The following ADAM12 variants were observed in gnomAD, a reference collection of about 807,000 sequenced individuals.
ADAM12 encodes disintegrin and metalloproteinase domain-containing protein 12.
In ADAM12, 70 loss-of-function variants were observed where a neutral mutation model predicts 106.4. The observed-to-expected ratio is 0.66, with a 90% CI of 0.54 to 0.80. The LOEUF (loss-of-function observed/expected upper bound fraction) is 0.80, where lower values mean the gene tolerates loss of function less well. ADAM12 is among the 30% of genes least tolerant of loss of function. The probability of loss-of-function intolerance (pLI) is 0.00; values close to 1 mark genes in which losing one functional copy is unlikely to be tolerated. For synonymous variants in ADAM12, 420 were observed against 433.5 expected, an observed-to-expected ratio of 0.97 and a Z score of 0.39; for missense variants, 1,010 against 1,171.9, an observed-to-expected ratio of 0.86 and a Z score of 2.02.
chr10:126,252,864 C>T (rs923068855), intron 3 of ADAM12, among the ~76,000 whole-genome samples: 1 of 152,158 alleles, frequency 6.6e-6, no homozygotes, highest in Non-Finnish European at 1.5e-5. Context: ...GAGCAGGTTG[C>T]CTGGGTGCAG....
chr10:126,190,847 T>C (rs1475760167), intron 3 of ADAM12, among the ~76,000 whole-genome samples: 3 of 151,732 alleles, frequency 2.0e-5, no homozygotes, highest in African/African-American at 2.4e-5. Flanking sequence ...AGCCCAGGAA[T>C]AGAAATAAGA....
In ADAM12 at chr10:126,113,687, AATATATATATATATATATATATATATAT is replaced by A. The variant is rs71309278; in HGVS notation, c.604-3875_604-3848del. Among the ~76,000 whole-genome samples, 10 of 24,134 alleles carry A rather than the reference AATATATATATATATATATATATATATAT, an allele frequency of 4.1e-4. No individual in the cohort carries two copies. In the South Asian group the frequency reaches 0.01, roughly 25 times the overall value. The allele number at this position is 24,134 out of a possible 152,430, so 15.8% of individuals were successfully genotyped here. On this transcript the variant is annotated intron_variant, in intron 6 of 22. Coordinates refer to ENST00000448723, the MANE Select transcript of ADAM12 (RefSeq NM_001288973.2). ...AAAAAAAAAAAAAAAAAAAAAAAAA[AATATATATATATATATATATATATATAT>A]ATATATATATATATATAATATATTG...
intron 3 of ADAM12, among the ~76,000 whole-genome samples, chr10:126,231,574 C>T (rs1033777585): frequency 8.5e-5 from 13 of 152,154 alleles, no homozygotes; most frequent in African/African-American, 2.9e-4. Context: ...CTTGCCCTGG[C>T]GCAGGACTCC....
chr10:126,237,850 G>C (rs938293809), intron 3 of ADAM12, among the ~76,000 whole-genome samples: 4 of 152,164 alleles, frequency 2.6e-5, no homozygotes, highest in African/African-American at 9.7e-5. Context: ...GGTATAAAGA[G>C]CTTGGGACAA....
intron 8 of ADAM12, among the ~76,000 whole-genome samples, chr10:126,108,273 A>C (rs915325945): frequency 1.3e-5 from 2 of 152,188 alleles, no homozygotes; most frequent in African/African-American, 4.8e-5. Context: ...GGAGGAATCC[A>C]AAGGATCAGG....
At chr10:126,044,345 T>C (rs1954259616) in intron 17 of ADAM12, among the ~76,000 whole-genome samples, 1 of 151,208 alleles carries the variant, frequency 6.6e-6, no homozygotes, top group Admixed American at 6.6e-5. Flanking sequence ...AAAAGAGAAA[T>C]CACTAAAAGA....
intron 3 of ADAM12, among the ~76,000 whole-genome samples, chr10:126,160,407 A>T (rs1182799930): frequency 6.6e-6 from 1 of 152,168 alleles, no homozygotes; most frequent in Admixed American, 6.5e-5. Context: ...CAAACTGAAG[A>T]TGGGCTTTCT....
chr10:126,051,576 T>TCCAGCCAGCCAGCCAG lies in ADAM12; in HGVS notation c.1610-1908_1610-1907insCTGGCTGGCTGGCTGG, dbSNP rs778622898. Among the ~76,000 whole-genome samples, 117 of 84,606 alleles carry TCCAGCCAGCCAGCCAG rather than the reference T, an allele frequency of 1.4e-3. 1 individual carries two copies. The highest frequency in any genetic ancestry group is 8.1e-3 in the East Asian group (18 of 2,232). The allele number at this position is 84,606 out of a possible 152,430, so 55.5% of individuals were successfully genotyped here. ...ATCCATCCATCCATCCATCCATCCA[T>TCCAGCCAGCCAGCCAG]CCATCCATCCATCCAGCCAGCCAGC... On this transcript the variant is annotated intron_variant, in intron 14 of 22. Transcript: ENST00000448723.
At chr10:126,078,916 T>C (rs67160022) in intron 11 of ADAM12, among the ~76,000 whole-genome samples, 46,010 of 151,870 alleles carry the variant, frequency 0.3, 7,138 homozygotes, top group South Asian at 0.42. Flanking sequence ...CAGTGAATGC[T>C]GAAACACAGA....
chr10:126,379,030 A>C (rs769833917), intron 1 of ADAM12, among the ~76,000 whole-genome samples: 6 of 152,170 alleles, frequency 3.9e-5, no homozygotes, highest in Non-Finnish European at 1.5e-5. Flanking sequence ...AACACTACCA[A>C]CAACAACAAA....
At chr10:126,144,458 C>T (rs1565092697) in intron 4 of ADAM12, among the ~76,000 whole-genome samples, 2 of 151,774 alleles carry the variant, frequency 1.3e-5, no homozygotes, top group African/African-American at 4.8e-5. Context: ...TCCACACTGA[C>T]CCATTGCTCA....
At chr10:126,310,098 G>A (rs879488936) in intron 2 of ADAM12, among the ~76,000 whole-genome samples, 1 of 151,276 alleles carries the variant, frequency 6.6e-6, no homozygotes, top group Non-Finnish European at 1.5e-5. Flanking sequence ...GGCGGAGGAT[G>A]TGCTGAGACA....
At chr10:126,386,069 T>C (rs903913621) in intron 1 of ADAM12, among the ~76,000 whole-genome samples, 3 of 151,838 alleles carry the variant, frequency 2.0e-5, no homozygotes, top group Non-Finnish European at 2.9e-5. Flanking sequence ...ACTTAGGAGG[T>C]TGGTGGCTTA....
chr10:126,267,784 T>C (rs908598839), intron 3 of ADAM12, among the ~76,000 whole-genome samples: 7 of 151,766 alleles, frequency 4.6e-5, no homozygotes, highest in African/African-American at 1.5e-4. Context: ...AGCTGGAGGA[T>C]TGTGATTTTC....
chr10:126,050,799 T>C (rs1436965250), intron 14 of ADAM12, among the ~76,000 whole-genome samples: 1 of 152,228 alleles, frequency 6.6e-6, no homozygotes, highest in African/African-American at 2.4e-5. Flanking sequence ...TTGCCATCAT[T>C]TGATGTGAAC....
chr10:126,137,622 A>C (rs1956429871), intron 4 of ADAM12, among the ~76,000 whole-genome samples: 1 of 152,216 alleles, frequency 6.6e-6, no homozygotes, highest in Admixed American at 6.5e-5. Flanking sequence ...TATTTTATAG[A>C]AATGGAATCA....
At chr10:126,247,244 G>C (rs549284431) in intron 3 of ADAM12, among the ~76,000 whole-genome samples, 2 of 152,154 alleles carry the variant, frequency 1.3e-5, no homozygotes, top group African/African-American at 4.8e-5. Context: ...AATCAAATGC[G>C]TCCTTTACTT....
intron 14 of ADAM12, among the ~76,000 whole-genome samples, chr10:126,060,147 A>C (rs1954721390): frequency 6.6e-6 from 1 of 152,260 alleles, no homozygotes; most frequent in Admixed American, 6.5e-5. Context: ...TAAATGAACA[A>C]AAAACCCAAA....
At chr10:126,019,227 G>A (rs753177657) in intron 22 of ADAM12, among the ~76,000 whole-genome samples, 11 of 152,106 alleles carry the variant, frequency 7.2e-5, no homozygotes, top group Non-Finnish European at 1.2e-4. Context: ...AGGCCTCCCC[G>A]GAAGCATATG....
Sources: gnomAD v4.1 joint callset for allele counts (sites outside exome capture counted in the v4.1 genomes callset) on GRCh38, gnomAD v4.1.1 for gene constraint, MANE v1.5 for transcripts, NCBI Gene and HGNC (gene_info 2026-07-23, HGNC 2026-07-21) for gene names.